The following AZIN1 variants were observed in gnomAD, a reference collection of about 807,000 sequenced individuals.
The protein encoded by AZIN1 is antizyme inhibitor 1.
AZIN1 carries 12 observed loss-of-function variants against 47.4 expected under a neutral mutation model. The ratio of observed to expected loss-of-function variants is 0.25; its 90% CI spans 0.16 to 0.41. The LOEUF is 0.41. Among genes scored for constraint, AZIN1 ranks in the 10% least tolerant of loss-of-function variants. AZIN1 has a pLI of 1.00. For missense variants in AZIN1, 410 were observed against 532.4 expected, an observed-to-expected ratio of 0.77 and a Z score of 2.26; for synonymous variants, 155 against 176.3, an observed-to-expected ratio of 0.88 and a Z score of 0.96.
intron 6 of AZIN1, chr8:102,835,082 C>T (rs574206393): frequency 2.2e-5 from 4 of 185,590 alleles, no homozygotes; most frequent in Admixed American, 1.1e-4. Flanking sequence ...ACAAGCACTA[C>T]CAAATCGTAT....
At chr8:102,833,260 T>G in intron 8 of AZIN1, 42 bp from the exon 9 acceptor site, 1 of 1,556,258 alleles carries the variant, frequency 6.4e-7, no homozygotes. Context: ...AATATTGGAT[T>G]AGATAATTCG....
intron 9 of AZIN1, among the ~76,000 whole-genome samples, chr8:102,831,217 T>C (rs1002593361): frequency 1.3e-5 from 2 of 152,008 alleles, no homozygotes; most frequent in African/African-American, 2.4e-5. Flanking sequence ...TAACAGATTA[T>C]ATAAACCTAT....
intron 2 of AZIN1, among the ~76,000 whole-genome samples, chr8:102,854,302 G>A (rs570405503): frequency 1.3e-5 from 2 of 151,830 alleles, no homozygotes; most frequent in East Asian, 2.0e-4. Flanking sequence ...TAGCAAATTC[G>A]TAAAGAACAT....
At chr8:102,843,271 G>T (rs1002729892) in intron 3 of AZIN1, among the ~76,000 whole-genome samples, 4 of 151,854 alleles carry the variant, frequency 2.6e-5, no homozygotes, top group African/African-American at 7.3e-5. Context: ...TTAGAAGGTT[G>T]GCTGGCATCA....
At chr8:102,833,271 C>T (rs763895303) in intron 8 of AZIN1, 53 bp from the exon 9 acceptor site, 140 of 1,528,356 alleles carry the variant, frequency 9.2e-5, no homozygotes, top group Non-Finnish European at 8.5e-5. Flanking sequence ...AGATAATTCG[C>T]AATATTCAGA....
At chr8:102,857,100 CA>C (rs1199900108) in intron 2 of AZIN1, among the ~76,000 whole-genome samples, 8 of 152,326 alleles carry the variant, frequency 5.3e-5, no homozygotes, top group Admixed American at 4.6e-4. Flanking sequence ...CTCTAGCCAA[CA>C]TTCTAAGTCA....
At chr8:102,836,454 T>C (rs1811828549) in intron 5 of AZIN1, 64 bp from the exon 6 acceptor site, 1 of 1,536,350 alleles carries the variant, frequency 6.5e-7, no homozygotes, top group East Asian at 2.3e-5. Flanking sequence ...ATGTGAAGCC[T>C]GAAGATTGTA....
chr8:102,832,932 G>C, intron 9 of AZIN1, 124 bp downstream of exon 9: 1 of 834,958 alleles, frequency 1.2e-6, no homozygotes, highest in South Asian at 1.8e-5. Flanking sequence ...GAGCCACCAC[G>C]CCCGGCCAGT....
At position 102,829,807 on chromosome 8, in the gene AZIN1, C is replaced by A; in HGVS notation, c.1020+14G>T. ...AAATGCCAAATAGGTTTTGATATTT[C>A]TGATAAAACTTGCCTTGTGAACCTC... On this transcript the variant is annotated intron_variant, in intron 10 of 11. Coordinates refer to ENST00000337198, the MANE Select transcript of AZIN1 (RefSeq NM_148174.4). The A allele has an allele frequency of 1.3e-6, 2 of 1,565,886 alleles. No individual in the cohort carries two copies. The highest frequency in any genetic ancestry group is 1.8e-6 in the Non-Finnish European group (2 of 1,142,224).
chr8:102,841,974 G>C lies in AZIN1; in HGVS notation c.102+1577C>G, dbSNP rs1427314973. On this transcript the variant is annotated intron_variant, in intron 3 of 11. Transcript: ENST00000337198. ...AAAAATACAAAAATCAGCTGGGCCT[G>C]GTGCTGGGCGCCTGTAATCCCAGCT... is the stretch of plus-strand genomic sequence containing the variant. 2.6e-5 allele frequency among the ~76,000 whole-genome samples: 4 copies of C among 152,188 alleles called. No individual in the cohort carries two copies. The East Asian group carries it at 7.7e-4, about 29-fold the overall frequency.
At chr8:102,832,773 C>T (rs1052577132) in intron 9 of AZIN1, among the ~76,000 whole-genome samples, 44 of 152,008 alleles carry the variant, frequency 2.9e-4, no homozygotes, top group Admixed American at 9.2e-4. Flanking sequence ...CCCGAGTAGC[C>T]GGGATTACAG....
rs772688565 is a variant in AZIN1, at chr8:102,829,445, C to A, written c.1062G>T (p.Trp354Cys). 1 of 1,613,346 alleles carries A rather than the reference C, an allele frequency of 6.2e-7. No homozygotes were observed. Among genetic ancestry groups the A allele is most frequent in the Non-Finnish European group, 8.5e-7 (1 of 1,179,778 alleles). The change falls in exon 11 of 12, where the codon TGG (tryptophan) becomes TGT (cysteine). Residue 354 changes from tryptophan (W) to cysteine (C), a missense_variant. Physicochemically the swap from Trp to Cys is radical, Grantham distance 215. Around this residue, in one of 3 missense-constraint regions of AZIN1, gnomAD observed 168 missense variants for 198.3 expected, o/e 0.85. Transcript: ENST00000337198. The stretch of plus-strand genomic sequence containing the variant: ...GATCAAGCTCATCACAGGATGGACC[C>A]CAAAGGCTGCTTGTAAACAGAGGCT... ...EDEPLFTSSLWGPSCDELDQI... is the reference protein window; with the variant it reads ...EDEPLFTSSLCGPSCDELDQI...
chr8:102,834,592 A>C (rs1586160852), intron 7 of AZIN1, 74 bp downstream of exon 7: 1 of 1,178,730 alleles, frequency 8.5e-7, no homozygotes, highest in Non-Finnish European at 1.2e-6. Flanking sequence ...TCACACAGGC[A>C]GAAAATACTT....
chr8:102,841,937 C>G (rs1812220690), intron 3 of AZIN1, among the ~76,000 whole-genome samples: 1 of 151,770 alleles, frequency 6.6e-6, no homozygotes. Flanking sequence ...ACGGTGAAAC[C>G]CTGTCTCTAC....
intron 2 of AZIN1, among the ~76,000 whole-genome samples, chr8:102,851,462 C>T (rs1472131712): frequency 6.6e-6 from 1 of 152,162 alleles, no homozygotes; most frequent in African/African-American, 2.4e-5. Context: ...AATCCCAGCA[C>T]TTTGGGAGGC....
At chr8:102,836,181 T>C in intron 6 of AZIN1, 75 bp downstream of exon 6, 1 of 1,458,964 alleles carries the variant, frequency 6.9e-7, no homozygotes, top group South Asian at 1.3e-5. Context: ...AAATAAAGTC[T>C]TAAATCAATA....
intron 2 of AZIN1, among the ~76,000 whole-genome samples, chr8:102,856,481 C>G (rs1330636845): frequency 6.6e-6 from 1 of 152,192 alleles, no homozygotes; most frequent in Non-Finnish European, 1.5e-5. Flanking sequence ...TTTGCAGAAT[C>G]ATTCAGCTCA....
intron 8 of AZIN1, 143 bp from the exon 9 acceptor site, chr8:102,833,361 C>T (rs1811594596): frequency 1.6e-6 from 1 of 617,336 alleles, no homozygotes; most frequent in Non-Finnish European, 2.6e-6. Context: ...TTGTAGTTAT[C>T]TCCAAGCAAT....
In AZIN1 at chr8:102,827,484, C is replaced by T. The variant is rs1811177580; in HGVS notation, c.*1083G>A. ...CTGAAGATAATAAGTGTGCTTCACC[C>T]CAACCCCCATCCCAACTCTGAATTT... On this transcript the variant is annotated 3_prime_UTR_variant, in exon 12 of 12. Transcript: ENST00000337198. 1 of 152,106 alleles carries T rather than the reference C, an allele frequency of 6.6e-6. No individual in the cohort carries two copies. The allele number at this position is 152,106 out of a possible 1,614,324, so 9.4% of individuals were successfully genotyped here.
Sources: allele counts gnomAD v4.1 joint callset (sites outside exome capture counted in the v4.1 genomes callset), GRCh38; gene constraint gnomAD v4.1.1; regional missense constraint gnomAD v4.1.1; transcripts MANE v1.5; gene names NCBI Gene and HGNC (gene_info 2026-07-23, HGNC 2026-07-21).